The following SLC25A33 variants were observed in gnomAD, a reference collection of about 807,000 sequenced individuals.
SLC25A33 encodes the protein solute carrier family 25 member 33.
SLC25A33 carries 15 observed loss-of-function variants against 35.5 expected under a neutral mutation model. The ratio of observed to expected loss-of-function variants is 0.42; its 90% CI spans 0.28 to 0.65. SLC25A33 has a LOEUF of 0.65. Ranked by LOEUF, SLC25A33 falls within the 30% of genes least tolerant of loss-of-function variation. The pLI, the probability that SLC25A33 is intolerant of heterozygous loss-of-function variation, is 0.20. For missense variants in SLC25A33, 257 were observed against 398.5 expected (o/e 0.64, Z 3.02); for synonymous variants, 136 against 148.7 (o/e 0.91, Z 0.62).
intron 4 of SLC25A33, among the ~76,000 whole-genome samples, chr1:9,573,133 G>C (rs1206875004): frequency 6.6e-6 from 1 of 152,088 alleles, no homozygotes; most frequent in African/African-American, 2.4e-5. Flanking sequence ...AAAATTAAGA[G>C]AAATTTATTT....
At chr1:9,574,711 C>A (rs962187167) in intron 5 of SLC25A33, among the ~76,000 whole-genome samples, 9 of 152,080 alleles carry the variant, frequency 5.9e-5, no homozygotes, top group Admixed American at 6.5e-5. Flanking sequence ...TTGTAAAAAA[C>A]CCTAGCTGAA....
At chr1:9,551,570 C>T (rs994666631) in intron 1 of SLC25A33, among the ~76,000 whole-genome samples, 8 of 152,246 alleles carry the variant, frequency 5.3e-5, no homozygotes, top group South Asian at 4.1e-4. Flanking sequence ...CTTTCCCAGG[C>T]GGAGATGCTG....
intron 2 of SLC25A33, among the ~76,000 whole-genome samples, chr1:9,560,068 A>G (rs560681399): frequency 6.6e-6 from 1 of 152,230 alleles, no homozygotes; most frequent in African/African-American, 2.4e-5. Context: ...CCTGGCCAAC[A>G]TGGCGAAACC....
chr1:9,559,645 A>G (rs940544703), intron 2 of SLC25A33, among the ~76,000 whole-genome samples: 2 of 152,262 alleles, frequency 1.3e-5, no homozygotes, highest in Admixed American at 6.5e-5. Context: ...TTCTAAAGGC[A>G]GAGTCTGTAA....
At chr1:9,579,811 G>T in intron 5 of SLC25A33, 143 bp from the exon 6 acceptor site, 1 of 1,005,996 alleles carries the variant, frequency 9.9e-7, no homozygotes, top group Non-Finnish European at 1.4e-6. Context: ...CATAACGAAA[G>T]ACAAGGGCTA....
intron 5 of SLC25A33, among the ~76,000 whole-genome samples, chr1:9,573,874 G>T (rs1643623253): frequency 6.6e-6 from 1 of 152,154 alleles, no homozygotes; most frequent in Non-Finnish European, 1.5e-5. Context: ...CCAGCCAGGG[G>T]TTTGTAACAT....
At position 9,582,491 on chromosome 1, in the gene SLC25A33, G is replaced by T. The variant is rs138525926; in HGVS notation, c.956G>T (p.Arg319Leu). ...TTAATTGTGTACCTGTTAGAAGACC[G>T]TACTCAGTAACAGGCCGGAAAATTG... ...YELIVYLLEDRTQ is the reference protein window; with the variant it reads ...YELIVYLLEDLTQ Residue 319 changes from arginine (R) to leucine (L), a missense_variant, in exon 7 of 7, where the codon CGT becomes CTT. Transcript: ENST00000302692. The surrounding 1 kb of genome is among the most constrained non-coding windows in gnomAD (Gnocchi z 4.0). 8.0e-5 allele frequency: 129 copies of T among 1,611,660 alleles called. No homozygotes were observed. Among genetic ancestry groups the T allele is most frequent in the Non-Finnish European group, 1.1e-4 (126 of 1,178,680 alleles).
chr1:9,567,527 C>T (rs965432215), intron 3 of SLC25A33, among the ~76,000 whole-genome samples, 166 bp downstream of exon 3: 1 of 152,220 alleles, frequency 6.6e-6, no homozygotes, highest in African/African-American at 2.4e-5. Context: ...GGCGTGTCTT[C>T]AGTGTGTGAA....
chr1:9,576,651 G>A (rs906006679), intron 5 of SLC25A33: 10 of 616,284 alleles, frequency 1.6e-5, no homozygotes, highest in African/African-American at 1.1e-4. Context: ...TGCAGAACAC[G>A]ATCAAGGGTG....
chr1:9,582,344 C>A lies in SLC25A33; in HGVS notation c.809C>A (p.Ser270Tyr), dbSNP rs1643757643. 2 of 1,613,870 alleles carry A rather than the reference C, an allele frequency of 1.2e-6. No individual in the cohort carries two copies. Among genetic ancestry groups the A allele is most frequent in the African/African-American group, 1.3e-5 (1 of 74,932 alleles). The change falls in exon 7 of 7, where the codon TCT (serine) becomes TAT (tyrosine). Residue 270 changes from serine to tyrosine, a missense_variant. Coordinates refer to ENST00000302692, the MANE Select transcript of SLC25A33 (RefSeq NM_032315.3). This position sits in a 1 kb window ranked among gnomAD's most constrained non-coding sequence, Gnocchi z 4.0. ...RLREEGTKYKSFVQTARLVFR... is the reference protein window; with the variant it reads ...RLREEGTKYKYFVQTARLVFR... ...CGGGAAGAGGGCACCAAGTACAAGT[C>A]TTTTGTCCAGACGGCGCGCCTGGTG...
At chr1:9,579,177 A>G (rs1238739321) in intron 5 of SLC25A33, among the ~76,000 whole-genome samples, 3 of 152,178 alleles carry the variant, frequency 2.0e-5, no homozygotes, top group Non-Finnish European at 4.4e-5. Flanking sequence ...ACAGAAGATG[A>G]CTTCTGTGAC....
At chr1:9,552,879 T>C (rs1266133662) in intron 1 of SLC25A33, among the ~76,000 whole-genome samples, 1 of 151,104 alleles carries the variant, frequency 6.6e-6, no homozygotes, top group African/African-American at 2.4e-5. Flanking sequence ...AACGTGGGAA[T>C]AGTAGTTACC....
intron 1 of SLC25A33, among the ~76,000 whole-genome samples, chr1:9,553,369 C>T (rs1288959057): frequency 2.0e-5 from 3 of 151,322 alleles, no homozygotes; most frequent in Non-Finnish European, 2.9e-5. Context: ...GGACTACAGG[C>T]GCCTGCCACC....
intron 2 of SLC25A33, among the ~76,000 whole-genome samples, chr1:9,564,739 A>AATATATATATATATATATATATAT (rs70979762): frequency 3.0e-4 from 29 of 96,494 alleles, no homozygotes; most frequent in Non-Finnish European, 5.4e-4. Flanking sequence ...AAAAAAAAAA[A>AATATATATATATATATATATATAT]ATATATATAT....
rs993461855 is a variant in SLC25A33, at chr1:9,584,077, A to G, written c.*1576A>G. On this transcript the variant is annotated 3_prime_UTR_variant, in exon 7 of 7. Transcript: ENST00000302692. ...GGAACAAAAAGATGATACTAAGAAGAAGGCAAGTAAAACCCCTAGTCTTCC... is the reference window on the plus strand; with the variant it reads ...GGAACAAAAAGATGATACTAAGAAGGAGGCAAGTAAAACCCCTAGTCTTCC... 6.6e-6 allele frequency: 1 copy of G among 152,016 alleles called. No individual in the cohort carries two copies. Among genetic ancestry groups the G allele is most frequent in the Non-Finnish European group, 1.5e-5 (1 of 68,020 alleles). The allele number at this position is 152,016 out of a possible 1,614,324, so 9.4% of individuals were successfully genotyped here. A position where few individuals can be genotyped will look rare whatever the true frequency, so the allele number is the denominator to read the frequency against.
intron 1 of SLC25A33, among the ~76,000 whole-genome samples, chr1:9,541,666 G>T (rs1165884339): frequency 1.3e-5 from 2 of 150,700 alleles, no homozygotes; most frequent in East Asian, 3.9e-4. Flanking sequence ...GTCTTTCTTG[G>T]GAATTTTAAA....
chr1:9,540,097 C>T (rs1643054978), intron 1 of SLC25A33, among the ~76,000 whole-genome samples: 1 of 152,208 alleles, frequency 6.6e-6, no homozygotes, highest in Non-Finnish European at 1.5e-5. Flanking sequence ...CCCTCCCCCG[C>T]CCCCTTCTCC....
At chr1:9,558,745 T>C (rs995683701) in intron 2 of SLC25A33, among the ~76,000 whole-genome samples, 2 of 152,194 alleles carry the variant, frequency 1.3e-5, no homozygotes, top group African/African-American at 4.8e-5. Context: ...ACCACTGTCC[T>C]GATGGAAGCC....
chr1:9,552,842 A>AGAATGG (rs957794855), intron 1 of SLC25A33, among the ~76,000 whole-genome samples: 7 of 152,150 alleles, frequency 4.6e-5, no homozygotes, highest in African/African-American at 1.7e-4. Flanking sequence ...GAAAATGCCA[A>AGAATGG]GAATGGAAAG....
Sources: gnomAD v4.1 joint callset for allele counts (sites outside exome capture counted in the v4.1 genomes callset) on GRCh38, gnomAD v4.1.1 for gene constraint, Gnocchi (gnomAD v3.1) non-coding constraint, MANE v1.5 for transcripts, NCBI Gene and HGNC (gene_info 2026-07-23, HGNC 2026-07-21) for gene names.